Variants in ZNF174 observed in about 807,000 individuals in gnomAD.
ZNF174 encodes AW-1.
ZNF174 carries 30 observed loss-of-function variants against 38.7 expected under a neutral mutation model. The observed-to-expected ratio is 0.78, with a 90% CI of 0.58 to 1.05. The LOEUF is 1.05. Among genes scored for constraint, ZNF174 ranks in the 50% least tolerant of loss-of-function variants. The pLI, the probability that ZNF174 is intolerant of heterozygous loss-of-function variation, is 0.00. For missense variants in ZNF174, 499 were observed against 495.6 expected, an observed-to-expected ratio of 1.01 and a Z score of -0.06; for synonymous variants, 201 against 181.7, an observed-to-expected ratio of 1.11 and a Z score of -0.86.
intron 2 of ZNF174, among the ~76,000 whole-genome samples, chr16:3,406,450 T>C (rs894610244): frequency 5.3e-5 from 8 of 152,254 alleles, no homozygotes; most frequent in Non-Finnish European, 1.2e-4. Flanking sequence ...ACATTCTTGC[T>C]AGCACTTGTT....
intron 1 of ZNF174, among the ~76,000 whole-genome samples, chr16:3,402,736 G>C (rs562559710): frequency 6.6e-6 from 1 of 152,260 alleles, no homozygotes; most frequent in East Asian, 1.9e-4. Context: ...GGGACTACAG[G>C]TGTGAGCCAC....
chr16:3,405,443 TC>T (rs1230200735), intron 2 of ZNF174, among the ~76,000 whole-genome samples: 1 of 152,146 alleles, frequency 6.6e-6, no homozygotes, highest in Non-Finnish European at 1.5e-5. Flanking sequence ...AGGCCCCTCT[TC>T]CAGGTCACAG....
At chr16:3,405,151 T>C in intron 2 of ZNF174, 4 of 1,320,472 alleles carry the variant, frequency 3.0e-6, no homozygotes, top group Non-Finnish European at 4.0e-6. Context: ...TACACAGTCC[T>C]GTGATCTCTA....
At position 3,408,459 on chromosome 16, in the gene ZNF174, G is replaced by T. The variant is rs748968754; in HGVS notation, c.764G>T (p.Ser255Ile). The part of the protein sequence containing the change: ...QNPEPRGANM[S>I]EPRLSRRQVS... ...CCTGAACCAAGAGGGGCAAATATGA[G>T]TGAACCTCGGTTGTCACGGAGGCAG... is the stretch of plus-strand genomic sequence containing the variant. Residue 255 changes from serine (S) to isoleucine (I), a missense_variant, in exon 3 of 3, where the codon AGT becomes ATT. Transcript: ENST00000268655. 3 of 1,614,162 alleles carry T rather than the reference G, an allele frequency of 1.9e-6. No individual in the cohort carries two copies. The Admixed American group carries it at 5.0e-5, about 27-fold the overall frequency.
Position 3,402,152 on chromosome 16 carries a change from A to C in ZNF174, c.148A>C (p.Arg50=). ...TCCTGAGCTCTGCCGCCAGAGCTTC[A>C]GACGCTTTTGTTATCAAGAGGTGTC... ...PDPELCRQSF[R]RFCYQEVSGP... is the part of the protein sequence containing the mutation. Residue 50 remains arginine, a synonymous_variant, in exon 1 of 3, where the codon AGA becomes CGA. Coordinates refer to ENST00000268655, the MANE Select transcript of ZNF174 (RefSeq NM_003450.3). 2 of 1,614,180 alleles carry C rather than the reference A, an allele frequency of 1.2e-6. No individual in the cohort carries two copies. The highest frequency in any genetic ancestry group is 2.7e-5 in the African/African-American group (2 of 75,040).
rs1310873923 is a variant in ZNF174, at chr16:3,401,280, C to T, written c.-725C>T. The T allele has an allele frequency of 6.6e-6, 1 of 152,456 alleles. No individual in the cohort carries two copies. The highest frequency in any genetic ancestry group is 2.4e-5 in the African/African-American group (1 of 41,430). The allele number at this position is 152,456 out of a possible 1,614,324, so 9.4% of individuals were successfully genotyped here. ...TTGGGTTCCCGGAGAGGTGAGTCGGCTGCAGGTGGGTGCGGGGCGCCGGGC... is the reference window on the plus strand; with the variant it reads ...TTGGGTTCCCGGAGAGGTGAGTCGGTTGCAGGTGGGTGCGGGGCGCCGGGC... On this transcript the variant is annotated 5_prime_UTR_variant, in exon 1 of 3. Coordinates refer to ENST00000268655, the MANE Select transcript of ZNF174 (RefSeq NM_003450.3).
intron 1 of ZNF174, among the ~76,000 whole-genome samples, chr16:3,403,071 TG>T (rs1350911398): frequency 6.6e-6 from 1 of 151,378 alleles, no homozygotes; most frequent in Non-Finnish European, 1.5e-5. Context: ...GTCACCCTGT[TG>T]GGTAGCAGTT....
Position 3,401,334 on chromosome 16 carries a change from AG to A in ZNF174, c.-670del, listed in dbSNP as rs2033889475. The A allele has an allele frequency of 6.6e-6, 1 of 152,468 alleles. No homozygotes were observed. Among genetic ancestry groups the A allele is most frequent in the Non-Finnish European group, 1.5e-5 (1 of 68,252 alleles). 9.4% of individuals were successfully genotyped at this position (152,468 alleles called of 1,614,324 possible). ...TCGGGGTACCGGTGTCGCAGTCGCCAGTCCGAGCTCACACCGGGCGTGGAGT... is the reference window on the plus strand; with the variant it reads ...TCGGGGTACCGGTGTCGCAGTCGCCATCCGAGCTCACACCGGGCGTGGAGT... On this transcript the variant is annotated 5_prime_UTR_variant, in exon 1 of 3. Transcript: ENST00000268655.
rs998921197 is a variant in ZNF174, at chr16:3,402,523, A to T, written c.402+117A>T. ...GCCCAGGCCCGAGTGCAGTGGCGCT[A>T]TCTCGGCTCACTGCAAGCTCCGCCT... On this transcript the variant is annotated intron_variant, in intron 1 of 2. Transcript: ENST00000268655. The T allele has an allele frequency of 3.8e-6, 4 of 1,040,556 alleles. No homozygotes were observed. The South Asian group carries it at 5.0e-5, about 13-fold the overall frequency. 64.5% of individuals were successfully genotyped at this position (1,040,556 alleles called of 1,614,324 possible).
At position 3,407,513 on chromosome 16, in the gene ZNF174, A is replaced by C. The variant is rs114638235; in HGVS notation, c.626-808A>C. Among the ~76,000 whole-genome samples the C allele has an allele frequency of 3.7e-3, 566 of 152,368 alleles. 2 individuals are homozygous for C. Among genetic ancestry groups the C allele is most frequent in the African/African-American group, 0.011 (468 of 41,582 alleles). On this transcript the variant is annotated intron_variant, in intron 2 of 2. Transcript: ENST00000268655. ...GAATTTAAATGAATTAAAATTAAAA[A>C]AAAATTTAAAATTAAGTTCCTTAGT...
rs1378938537 is a variant in ZNF174, at chr16:3,402,460, T to TTC, written c.402+55_402+56insCT. 5 of 1,523,620 alleles carry TTC rather than the reference T, an allele frequency of 3.3e-6. No homozygotes were observed. The Admixed American group carries it at 1.1e-4, about 34-fold the overall frequency. The allele number at this position is 1,523,620 out of a possible 1,614,324, so 94.4% of individuals were successfully genotyped here. A position where few individuals can be genotyped will look rare whatever the true frequency, so the allele number is the denominator to read the frequency against. On this transcript the variant is annotated intron_variant, in intron 1 of 2. Coordinates refer to ENST00000268655, the MANE Select transcript of ZNF174 (RefSeq NM_003450.3). ...GGGATTTCTTTTTCTTTTCTTTTTT[T>TTC]TTTTTTTTCTTTTTTTGAGACGGAA... is the stretch of plus-strand genomic sequence containing the variant.
intron 2 of ZNF174, among the ~76,000 whole-genome samples, chr16:3,405,306 G>C (rs1435281471): frequency 1.3e-5 from 2 of 152,180 alleles, no homozygotes. Flanking sequence ...TCGTGTTTTA[G>C]TCTGTTCAGG....
chr16:3,403,148 G>GTTTTTTTTTTT (rs1567340030), intron 1 of ZNF174, among the ~76,000 whole-genome samples: 1 of 57,678 alleles, frequency 1.7e-5, no homozygotes, highest in African/African-American at 7.5e-5. Flanking sequence ...TTAGCTTATA[G>GTTTTTTTTTTT]TCTTTTTTTT....
At position 3,408,777 on chromosome 16, in the gene ZNF174, A is replaced by G. The variant is rs764386257; in HGVS notation, c.1082A>G (p.Asn361Ser). Reference sequence around the variant, plus strand: ...CCCTACACGTGCGGAGAGTGTGGAAACTGCTTTGGGCGGCAGTCAACCCTG... The same window carrying G: ...CCCTACACGTGCGGAGAGTGTGGAAGCTGCTTTGGGCGGCAGTCAACCCTG... ...ERPYTCGECG[N>S]CFGRQSTLKL... is the part of the protein sequence containing the mutation. Residue 361 changes from asparagine (N) to serine (S), a missense_variant, in exon 3 of 3, where the codon AAC (asparagine) becomes AGC (serine). Asn to Ser is a conservative substitution (Grantham distance 46). Transcript: ENST00000268655. The G allele has an allele frequency of 2.5e-6, 4 of 1,614,052 alleles. No individual in the cohort carries two copies. Among genetic ancestry groups the G allele is most frequent in the South Asian group, 2.2e-5 (2 of 91,086 alleles).
rs748053546 is a variant in ZNF174, at chr16:3,408,948, C to T, written c.*29C>T. 4.2e-5 allele frequency: 65 copies of T among 1,556,546 alleles called. No individual in the cohort carries two copies. The highest frequency in any genetic ancestry group is 1.2e-4 in the African/African-American group (9 of 73,006). On this transcript the variant is annotated 3_prime_UTR_variant, in exon 3 of 3. Transcript: ENST00000268655. ...GAGCACTCCATGCTTTAGATTCACA[C>T]GGAAGGTGTTTGTGTTTCTCCTCCC...
intron 2 of ZNF174, among the ~76,000 whole-genome samples, chr16:3,407,221 C>T (rs1221495879): frequency 6.6e-6 from 1 of 152,142 alleles, no homozygotes. Context: ...GGACACTAAT[C>T]CCATTTATGA....
intron 2 of ZNF174, chr16:3,404,891 C>G (rs747191389): frequency 1.2e-6 from 2 of 1,612,548 alleles, no homozygotes; most frequent in Non-Finnish European, 1.7e-6. Context: ...GTTGTACCTA[C>G]TTTTCTGTCC....
rs975335574 is a variant in ZNF174 at position 3,403,830 on chromosome 16, C to G, written c.403-596C>G. ...ATCAGGAAGTTACAGTTCAACTGGC[C>G]AGCGTTGCCATTGCTTGCCACTCCC... On this transcript the variant is annotated intron_variant, in intron 1 of 2. Coordinates refer to ENST00000268655, the MANE Select transcript of ZNF174 (RefSeq NM_003450.3). 2.6e-5 allele frequency among the ~76,000 whole-genome samples: 4 copies of G among 152,274 alleles called. No individual in the cohort carries two copies. The East Asian group carries it at 7.7e-4, about 29-fold the overall frequency.
chr16:3,409,195 G>A lies in ZNF174; in HGVS notation c.*276G>A. Reference sequence around the variant, plus strand: ...AGGAGTAACTACTGAGAGAGAATCAGGACAATCCTGCAGGTGGCCCGCTTA... The same window carrying A: ...AGGAGTAACTACTGAGAGAGAATCAAGACAATCCTGCAGGTGGCCCGCTTA... On this transcript the variant is annotated 3_prime_UTR_variant, in exon 3 of 3. Transcript: ENST00000268655. 1 of 417,042 alleles carries A rather than the reference G, an allele frequency of 2.4e-6. No homozygotes were observed. The highest frequency in any genetic ancestry group is 3.7e-5 in the South Asian group (1 of 27,248). 25.8% of individuals were successfully genotyped at this position (417,042 alleles called of 1,614,324 possible). A position where few individuals can be genotyped will look rare whatever the true frequency, so the allele number is the denominator to read the frequency against.
Sources: allele counts gnomAD v4.1 joint callset (sites outside exome capture counted in the v4.1 genomes callset), GRCh38; gene constraint gnomAD v4.1.1; transcripts MANE v1.5; gene names NCBI Gene and HGNC (gene_info 2026-07-23, HGNC 2026-07-21).